Variants in PRKN observed in about 807,000 individuals in gnomAD.
PRKN encodes parkin RBR E3 ubiquitin protein ligase, also known as E3 ubiquitin-protein ligase parkin.
Under a neutral mutation model 59.5 loss-of-function variants are expected in PRKN, and 56 were observed. The ratio of observed to expected loss-of-function variants is 0.94; its 90% CI spans 0.76 to 1.18. The LOEUF is 1.18. Among genes scored for constraint, PRKN ranks in the 50% most tolerant of loss-of-function variants. The pLI, the probability that PRKN is intolerant of heterozygous loss-of-function variation, is 0.00. For missense variants in PRKN, 657 were observed against 596.4 expected (o/e 1.10, Z -1.06); for synonymous variants, 250 against 222.1 (o/e 1.13, Z -1.12).
chr6:162,612,337 G>A (rs553448854), intron 1 of PRKN, among the ~76,000 whole-genome samples: 155 of 152,066 alleles, frequency 1.0e-3, no homozygotes, highest in African/African-American at 3.6e-3. Flanking sequence ...AGTCAGGGCT[G>A]TCCTAGGATG....
At chr6:161,929,466 T>C (rs941700602) in intron 6 of PRKN, among the ~76,000 whole-genome samples, 1 of 151,716 alleles carries the variant, frequency 6.6e-6, no homozygotes, top group African/African-American at 2.4e-5. Flanking sequence ...AGGTACTTAA[T>C]GCTACTGGAT....
At chr6:161,512,351 G>T (rs1255154201) in intron 9 of PRKN, among the ~76,000 whole-genome samples, 1 of 52,660 alleles carries the variant, frequency 1.9e-5, no homozygotes. Context: ...GGAGGCTCTG[G>T]TGCATAAGAC....
At position 161,463,423 on chromosome 6, in the gene PRKN, G is replaced by A. The variant is rs201440224; in HGVS notation, c.1084-76546C>T. Among the ~76,000 whole-genome samples the A allele has an allele frequency of 4.4e-4, 67 of 152,302 alleles. No individual in the cohort carries two copies. Among genetic ancestry groups the A allele is most frequent in the African/African-American group, 1.5e-3 (64 of 41,566 alleles). ...AGTCTAAGAAGACATTAAAAATCCT[G>A]AAATTGGCCATATCATCCTGCCCCT... On this transcript the variant is annotated intron_variant, in intron 9 of 11. Transcript: ENST00000366898. This position sits in a 1 kb window ranked among gnomAD's most constrained non-coding sequence, Gnocchi z 4.8.
intron 2 of PRKN, among the ~76,000 whole-genome samples, chr6:162,380,841 GAAGT>G (rs1271245429): frequency 1.3e-5 from 2 of 152,010 alleles, no homozygotes; most frequent in Non-Finnish European, 2.9e-5. Context: ...CATAAATAAG[GAAGT>G]AAGGTGTTTA....
chr6:161,857,055 C>A (rs1771505211), intron 6 of PRKN, among the ~76,000 whole-genome samples: 1 of 151,786 alleles, frequency 6.6e-6, no homozygotes, highest in South Asian at 2.1e-4. Flanking sequence ...CGTGGTAAAA[C>A]CCCATCTCTA....
chr6:162,126,618 C>A (rs1781135530), intron 4 of PRKN, among the ~76,000 whole-genome samples: 1 of 152,158 alleles, frequency 6.6e-6, no homozygotes, highest in Admixed American at 6.5e-5. Flanking sequence ...CTCCTCTAGG[C>A]TCCAAACCAC....
At chr6:162,473,005 A>T (rs939350332) in intron 1 of PRKN, among the ~76,000 whole-genome samples, 5 of 134,728 alleles carry the variant, frequency 3.7e-5, no homozygotes, top group African/African-American at 2.0e-4. Flanking sequence ...ACTTATTTTT[A>T]TATCAGTCTT....
At chr6:161,887,449 A>G (rs545596320) in intron 6 of PRKN, among the ~76,000 whole-genome samples, 7 of 152,324 alleles carry the variant, frequency 4.6e-5, no homozygotes, top group East Asian at 1.9e-4. Flanking sequence ...TATAAATCCT[A>G]TTTGTACCAC....
chr6:161,750,170 G>T lies in PRKN; in HGVS notation c.871+35602C>A, dbSNP rs142090677. Among the ~76,000 whole-genome samples the T allele has an allele frequency of 4.8e-4, 71 of 148,806 alleles. No individual in the cohort carries two copies. The East Asian group carries it at 4.9e-3, about 10-fold the overall frequency. On this transcript the variant is annotated intron_variant, in intron 7 of 11. Coordinates refer to ENST00000366898, the MANE Select transcript of PRKN (RefSeq NM_004562.3). ...ATATAAATTAGTACAAAATTGTTTT[G>T]CCTCCTAACTTGCAAGGCCTGTAAA...
At position 161,530,668 on chromosome 6, in the gene PRKN, A is replaced by C. The variant is rs542679608; in HGVS notation, c.1083+18186T>G. ...GTAGCTGGGATTACAGGCATTTACC[A>C]CCACGCCTGGCTAATTTTTTTCTAT... On this transcript the variant is annotated intron_variant, in intron 9 of 11. Coordinates refer to ENST00000366898, the MANE Select transcript of PRKN (RefSeq NM_004562.3). The surrounding 1 kb of genome is among the most constrained non-coding windows in gnomAD (Gnocchi z 5.0). Among the ~76,000 whole-genome samples, 1 of 151,750 alleles carries C rather than the reference A, an allele frequency of 6.6e-6. No homozygotes were observed. The highest frequency in any genetic ancestry group is 2.4e-5 in the African/African-American group (1 of 41,360).
At chr6:161,722,155 C>T (rs1583054394) in intron 7 of PRKN, among the ~76,000 whole-genome samples, 1 of 152,136 alleles carries the variant, frequency 6.6e-6, no homozygotes, top group Non-Finnish European at 1.5e-5. Flanking sequence ...AACATGCACA[C>T]AAACCACAAC....
intron 9 of PRKN, among the ~76,000 whole-genome samples, chr6:161,542,717 C>G (rs958366614): frequency 1.3e-5 from 2 of 152,126 alleles, no homozygotes; most frequent in Admixed American, 6.5e-5. Flanking sequence ...AAAGTACCAA[C>G]AAGATTTGAT....
At chr6:162,013,761 A>G (rs552063705) in intron 5 of PRKN, among the ~76,000 whole-genome samples, 1 of 152,312 alleles carries the variant, frequency 6.6e-6, no homozygotes, top group African/African-American at 2.4e-5. Context: ...ATGACAACTC[A>G]GAACAAAAAC....
At chr6:162,621,776 T>G (rs1782676384) in intron 1 of PRKN, among the ~76,000 whole-genome samples, 1 of 152,166 alleles carries the variant, frequency 6.6e-6, no homozygotes, top group African/African-American at 2.4e-5. Flanking sequence ...TTTCCTTATC[T>G]TTCTGTTTTA....
At chr6:162,627,442 T>C (rs905930290) in intron 1 of PRKN, among the ~76,000 whole-genome samples, 1 of 152,142 alleles carries the variant, frequency 6.6e-6, no homozygotes, top group Non-Finnish European at 1.5e-5. Context: ...CTGCCTACTT[T>C]GGAGTTTATT....
At chr6:162,547,421 T>A (rs771810635) in intron 1 of PRKN, among the ~76,000 whole-genome samples, 5 of 152,168 alleles carry the variant, frequency 3.3e-5, no homozygotes, top group Non-Finnish European at 7.3e-5. Context: ...TAGTTCTTTG[T>A]ATTATTTATT....
intron 4 of PRKN, among the ~76,000 whole-genome samples, chr6:162,055,922 C>T (rs567810058): frequency 6.6e-6 from 1 of 152,000 alleles, no homozygotes; most frequent in Non-Finnish European, 1.5e-5. Context: ...CCCTCCTTTA[C>T]CATTACATGT....
At chr6:162,198,472 A>G (rs1461831190) in intron 4 of PRKN, among the ~76,000 whole-genome samples, 1 of 151,882 alleles carries the variant, frequency 6.6e-6, no homozygotes, top group Non-Finnish European at 1.5e-5. Flanking sequence ...AAATATATAT[A>G]CATACATACA....
At position 161,445,706 on chromosome 6, in the gene PRKN, T is replaced by C. The variant is rs1423985873; in HGVS notation, c.1084-58829A>G. On this transcript the variant is annotated intron_variant, in intron 9 of 11. Transcript: ENST00000366898. The surrounding 1 kb of genome is among the most constrained non-coding windows in gnomAD (Gnocchi z 7.7). ...GTGTCACAGGGCAGAGTGCATGGTC[T>C]CCCTTCACGTGCGGGGCCAGGTGAC... is the stretch of plus-strand genomic sequence containing the variant. 6.6e-6 allele frequency among the ~76,000 whole-genome samples: 1 copy of C among 152,192 alleles called. No individual in the cohort carries two copies. Among genetic ancestry groups the C allele is most frequent in the Non-Finnish European group, 1.5e-5 (1 of 68,028 alleles).
Sources: gnomAD v4.1 joint callset for allele counts (sites outside exome capture counted in the v4.1 genomes callset) on GRCh38, gnomAD v4.1.1 for gene constraint, Gnocchi (gnomAD v3.1) non-coding constraint, MANE v1.5 for transcripts, NCBI Gene and HGNC (gene_info 2026-07-23, HGNC 2026-07-21) for gene names.